Variants in CAP2 observed in about 807,000 individuals in gnomAD.
CAP2 encodes the protein cyclase associated actin cytoskeleton regulatory protein 2.
In CAP2, 24 loss-of-function variants were observed where a neutral mutation model predicts 57.7. The ratio of observed to expected loss-of-function variants is 0.42; its 90% CI spans 0.30 to 0.58. The LOEUF (loss-of-function observed/expected upper bound fraction) is 0.58, where lower values mean the gene tolerates loss of function less well. CAP2 is among the 20% of genes least tolerant of loss of function. CAP2 has a pLI of 0.22. For synonymous variants in CAP2, 194 were observed against 207.2 expected (o/e 0.94, Z 0.55); for missense variants, 501 against 590.3 (o/e 0.85, Z 1.57).
chr6:17,455,062 G>A (rs889146594), intron 3 of CAP2, among the ~76,000 whole-genome samples: 11 of 152,158 alleles, frequency 7.2e-5, no homozygotes, highest in African/African-American at 2.4e-4. Context: ...CCACCATCAA[G>A]TGATGGTCCA....
chr6:17,449,980 C>A (rs1350192183), intron 3 of CAP2, among the ~76,000 whole-genome samples: 3 of 151,860 alleles, frequency 2.0e-5, no homozygotes, highest in Non-Finnish European at 2.9e-5. Context: ...TTGCCGTCTG[C>A]TGAACAAGCA....
intron 6 of CAP2, among the ~76,000 whole-genome samples, chr6:17,508,561 A>G (rs1056223312): frequency 2.0e-5 from 3 of 152,158 alleles, no homozygotes; most frequent in African/African-American, 2.4e-5. Flanking sequence ...TATAAGAGCA[A>G]CAAGGTTCTA....
intron 7 of CAP2, among the ~76,000 whole-genome samples, chr6:17,537,501 T>TGTTTG (rs371102098): frequency 1.6e-5 from 2 of 125,680 alleles, no homozygotes; most frequent in Non-Finnish European, 3.4e-5. Context: ...CGAGCCAGCA[T>TGTTTG]GTTTTGTTTT....
chr6:17,397,718 GAATT>G (rs1175466259), intron 1 of CAP2, among the ~76,000 whole-genome samples: 6 of 109,778 alleles, frequency 5.5e-5, no homozygotes, highest in African/African-American at 1.9e-4. Flanking sequence ...AAAAAAAAAA[GAATT>G]ACCCACGTTG....
chr6:17,516,099 C>T (rs1195150335), intron 7 of CAP2, among the ~76,000 whole-genome samples: 1 of 152,228 alleles, frequency 6.6e-6, no homozygotes, highest in Non-Finnish European at 1.5e-5. Flanking sequence ...ACTCACCTCA[C>T]ACATCACCTC....
At chr6:17,551,880 A>G (rs2113711975) in intron 12 of CAP2, among the ~76,000 whole-genome samples, 1 of 152,330 alleles carries the variant, frequency 6.6e-6, no homozygotes, top group South Asian at 2.1e-4. Flanking sequence ...CTGAGTTCGT[A>G]TTAGGTAGGA....
chr6:17,412,114 G>A (rs1035800593), intron 1 of CAP2, among the ~76,000 whole-genome samples: 1 of 152,064 alleles, frequency 6.6e-6, no homozygotes, highest in African/African-American at 2.4e-5. Context: ...CCAAGTCAGT[G>A]CACAGAGCCA....
intron 8 of CAP2, among the ~76,000 whole-genome samples, chr6:17,540,164 T>C (rs1450233508): frequency 1.3e-5 from 2 of 152,170 alleles, no homozygotes. Flanking sequence ...CCCACTATAC[T>C]GGGCTTGGAG....
intron 3 of CAP2, among the ~76,000 whole-genome samples, chr6:17,461,921 G>A (rs1286903107): frequency 3.5e-5 from 5 of 143,672 alleles, no homozygotes; most frequent in Admixed American, 7.1e-5. Context: ...TGAACCTGGG[G>A]GGCGGAGCTT....
chr6:17,420,927 G>A (rs143470224), intron 1 of CAP2, among the ~76,000 whole-genome samples: 2 of 152,102 alleles, frequency 1.3e-5, no homozygotes, highest in East Asian at 1.9e-4. Context: ...AATAAAAGAC[G>A]CATGCACACA....
At chr6:17,499,021 G>C (rs1053597966) in intron 4 of CAP2, among the ~76,000 whole-genome samples, 28 of 151,582 alleles carry the variant, frequency 1.8e-4, no homozygotes, top group Non-Finnish European at 3.4e-4. Context: ...GAGCCACCAC[G>C]CCCGGCCAGC....
At chr6:17,455,922 T>C (rs1475724831) in intron 3 of CAP2, among the ~76,000 whole-genome samples, 1 of 152,190 alleles carries the variant, frequency 6.6e-6, no homozygotes, top group East Asian at 1.9e-4. Flanking sequence ...TTCTTTCTTA[T>C]GAGGAAGCAA....
At chr6:17,485,096 A>G (rs887109169) in intron 4 of CAP2, among the ~76,000 whole-genome samples, 48 of 152,132 alleles carry the variant, frequency 3.2e-4, no homozygotes, top group African/African-American at 8.9e-4. Context: ...AGAATTTGAG[A>G]TAAGTAGAAT....
intron 7 of CAP2, among the ~76,000 whole-genome samples, chr6:17,514,231 C>T (rs140301547): frequency 6.6e-5 from 10 of 152,098 alleles, no homozygotes; most frequent in East Asian, 5.8e-4. Context: ...GGCATGGTAA[C>T]GCACTTCTGT....
chr6:17,550,443 T>C (rs1763144162), intron 11 of CAP2, among the ~76,000 whole-genome samples: 1 of 114,344 alleles, frequency 8.7e-6, no homozygotes, highest in Non-Finnish European at 1.7e-5. Context: ...CAATTCCAAC[T>C]CAGTGTTCAG....
At chr6:17,480,253 C>T (rs1353952863) in intron 4 of CAP2, among the ~76,000 whole-genome samples, 8 of 152,148 alleles carry the variant, frequency 5.3e-5, no homozygotes, top group Non-Finnish European at 1.2e-4. Flanking sequence ...AACTTCTCCC[C>T]CACAGCAAAT....
chr6:17,394,687 C>T (rs894063440), intron 1 of CAP2, among the ~76,000 whole-genome samples: 2 of 152,192 alleles, frequency 1.3e-5, no homozygotes, highest in Admixed American at 6.6e-5. Flanking sequence ...CTTACTGCTT[C>T]TGTAGATTTC....
chr6:17,405,536 A>C (rs548240727), intron 1 of CAP2, among the ~76,000 whole-genome samples: 36 of 149,462 alleles, frequency 2.4e-4, no homozygotes, highest in Non-Finnish European at 4.4e-4. Context: ...CTCTCAAAAT[A>C]TCTTATTGTA....
intron 1 of CAP2, among the ~76,000 whole-genome samples, chr6:17,410,962 T>C (rs1236786785): frequency 4.6e-5 from 7 of 152,218 alleles, no homozygotes; most frequent in Admixed American, 4.6e-4. Context: ...GCCATAAAAT[T>C]GACCCAATTT....
Sources: gnomAD v4.1 joint callset for allele counts (sites outside exome capture counted in the v4.1 genomes callset) on GRCh38, gnomAD v4.1.1 for gene constraint, MANE v1.5 for transcripts, NCBI Gene and HGNC (gene_info 2026-07-23, HGNC 2026-07-21) for gene names.